Variants in RASGRF1 observed in about 807,000 individuals in gnomAD.
RASGRF1 encodes the protein Ras protein specific guanine nucleotide releasing factor 1, also known as ras-specific guanine nucleotide-releasing factor 1.
RASGRF1 carries 40 observed loss-of-function variants against 138.7 expected under a neutral mutation model. The ratio of observed to expected loss-of-function variants is 0.29; its 90% CI spans 0.22 to 0.38. RASGRF1 has a LOEUF of 0.38. Ranked by LOEUF, RASGRF1 falls within the 10% of genes least tolerant of loss-of-function variation. The pLI is 1.00. For missense variants in RASGRF1, 1,108 were observed against 1,650.4 expected (o/e 0.67, Z 5.69); for synonymous variants, 614 against 663.2 (o/e 0.93, Z 1.14).
chr15:79,002,538 A>G (rs1228632418), intron 15 of RASGRF1, among the ~76,000 whole-genome samples: 1 of 152,162 alleles, frequency 6.6e-6, no homozygotes, highest in Admixed American at 6.6e-5. Flanking sequence ...ATTTATACAT[A>G]ACAAATACAC....
At chr15:79,033,930 G>C (rs1212564107) in intron 6 of RASGRF1, among the ~76,000 whole-genome samples, 2 of 152,184 alleles carry the variant, frequency 1.3e-5, no homozygotes, top group African/African-American at 2.4e-5. Context: ...AAGGAAACAT[G>C]GTTTCCTTGT....
At position 78,991,744 on chromosome 15, in the gene RASGRF1, G is replaced by A. The variant is rs760253908; in HGVS notation, c.3078C>T (p.Ile1026=). The change falls in exon 21 of 27, where the codon ATC becomes ATT. Residue 1026 remains isoleucine (I), a synonymous_variant. Coordinates refer to ENST00000558480, the MANE Select transcript of RASGRF1 (RefSeq NM_001145648.3). The part of the protein sequence containing the change: ...EPFENHSALE[I]AEQLTLLDHL... ...GATCTAGCAGGGTCAGCTGCTCCGC[G>A]ATCTCCAGGGCTGAGTGGTTTTCAA... is the stretch of plus-strand genomic sequence containing the variant. 1.4e-5 allele frequency: 23 copies of A among 1,614,038 alleles called. No homozygotes were observed. The highest frequency in any genetic ancestry group is 1.7e-5 in the Admixed American group (1 of 60,002).
Position 78,985,144 on chromosome 15 carries a change from C to T in RASGRF1, c.3277G>A (p.Ala1093Thr), listed in dbSNP as rs116883402. The T allele has an allele frequency of 1.5e-3, 2,471 of 1,613,428 alleles. 6 individuals carry two copies. Among genetic ancestry groups the T allele is most frequent in the Non-Finnish European group, 1.9e-3 (2,182 of 1,179,342 alleles). ...GCTACGGCCACCCACTTCTCGATGG[C>T]GCTCACCCTGGCGTTGATGTCCTCA... ...RNEDINARVS[A>T]IEKWVAVADI... Residue 1093 changes from alanine (A) to threonine (T), a missense_variant, in exon 23 of 27, where the codon GCC (alanine) becomes ACC (threonine). Transcript: ENST00000558480.
intron 19 of RASGRF1, among the ~76,000 whole-genome samples, chr15:78,996,645 A>C (rs1318372842): frequency 1.3e-5 from 2 of 152,048 alleles, no homozygotes; most frequent in Non-Finnish European, 2.9e-5. Flanking sequence ...CTCCCCTCCG[A>C]GGGTGGCTTT....
intron 26 of RASGRF1, among the ~76,000 whole-genome samples, chr15:78,968,763 C>T (rs911476198): frequency 3.9e-5 from 6 of 152,172 alleles, no homozygotes; most frequent in Non-Finnish European, 8.8e-5. Context: ...GAAAGTGGCC[C>T]TGCTGGCATC....
chr15:79,010,125 A>C (rs1196476567), intron 13 of RASGRF1, among the ~76,000 whole-genome samples: 2 of 133,474 alleles, frequency 1.5e-5, no homozygotes, highest in Non-Finnish European at 3.2e-5. Context: ...GGCAACCTCC[A>C]CCTCGGGCTC....
At chr15:79,043,670 T>C (rs970351779) in intron 5 of RASGRF1, among the ~76,000 whole-genome samples, 2 of 152,178 alleles carry the variant, frequency 1.3e-5, no homozygotes, top group Non-Finnish European at 2.9e-5. Flanking sequence ...GGCAGCATCC[T>C]TGGGATGAAG....
In RASGRF1 at chr15:78,975,334, T is replaced by C. The variant is rs549470870; in HGVS notation, c.3495-1914A>G. Among the ~76,000 whole-genome samples, 37 of 152,054 alleles carry C rather than the reference T, an allele frequency of 2.4e-4. No individual in the cohort carries two copies. In the South Asian group the frequency reaches 7.7e-3, roughly 32 times the overall value. The stretch of plus-strand genomic sequence containing the variant: ...GTGGAATTTTTGTTCCTGTGATGCA[T>C]ATATGCATTTGTATACAGGCTTGTA... On this transcript the variant is annotated intron_variant, in intron 24 of 26. Coordinates refer to ENST00000558480, the MANE Select transcript of RASGRF1 (RefSeq NM_001145648.3).
At position 79,032,212 on chromosome 15, in the gene RASGRF1, C is replaced by A; in HGVS notation, c.1063G>T (p.Asp355Tyr). The change falls in exon 7 of 27, where the codon GAC becomes TAC. Residue 355 changes from aspartate (D) to tyrosine (Y), a missense_variant. Asp to Tyr is a radical substitution (Grantham distance 160, BLOSUM62 -3). Transcript: ENST00000558480. The surrounding 1 kb of genome is among the most constrained non-coding windows in gnomAD (Gnocchi z 4.5). ...TAGTGCTTCAGCAGCTTGTCGAAGT[C>A]ACGGTTCTGCTTGCAGTGGGCCAGG... ...QILAHCKQNR[D>Y]FDKLLKHYEA... 1 of 1,614,122 alleles carries A rather than the reference C, an allele frequency of 6.2e-7. No homozygotes were observed. The highest frequency in any genetic ancestry group is 1.1e-5 in the South Asian group (1 of 91,078).
chr15:79,057,761 T>C (rs1192275442), intron 3 of RASGRF1, among the ~76,000 whole-genome samples: 2 of 152,224 alleles, frequency 1.3e-5, no homozygotes, highest in Non-Finnish European at 2.9e-5. Context: ...TGCTGCTTCA[T>C]GGACCACACT....
intron 24 of RASGRF1, chr15:78,979,021 GGCGGCGGCA>G: frequency 7.7e-7 from 1 of 1,293,734 alleles, no homozygotes; most frequent in Non-Finnish European, 1.0e-6. Context: ...CAGCGGTGGT[GGCGGCGGCA>G]GACGAGGAAG....
At chr15:79,007,384 C>CT (rs1276943886) in intron 13 of RASGRF1, among the ~76,000 whole-genome samples, 1 of 152,172 alleles carries the variant, frequency 6.6e-6, no homozygotes, top group East Asian at 1.9e-4. Flanking sequence ...TTGGGCAACT[C>CT]TGGGTTTTCA....
chr15:79,004,745 C>T (rs1299641649), intron 14 of RASGRF1: 2 of 985,614 alleles, frequency 2.0e-6, no homozygotes, highest in Non-Finnish European at 2.4e-6. Context: ...CCACCTCAGG[C>T]CAGGCTGGAA....
At chr15:78,995,620 G>T in intron 20 of RASGRF1, 120 bp downstream of exon 20, 1 of 1,223,776 alleles carries the variant, frequency 8.2e-7, no homozygotes, top group Non-Finnish European at 1.2e-6. Context: ...CCCAGTTTGT[G>T]GTATTTTTTC....
intron 13 of RASGRF1, among the ~76,000 whole-genome samples, chr15:79,013,800 C>T (rs1211310769): frequency 6.6e-6 from 1 of 152,108 alleles, no homozygotes; most frequent in Admixed American, 6.6e-5. Context: ...GCTGTATTAC[C>T]CAGGGCTTGG....
chr15:78,972,126 C>T (rs150128554), intron 25 of RASGRF1, among the ~76,000 whole-genome samples, 192 bp from the exon 26 acceptor site: 1,770 of 152,196 alleles, frequency 0.012, 35 homozygotes, highest in African/African-American at 0.041. Context: ...GATGGAGTCT[C>T]ACTCTGTCGC....
At chr15:78,994,174 C>T (rs941991389) in intron 20 of RASGRF1, among the ~76,000 whole-genome samples, 2 of 152,222 alleles carry the variant, frequency 1.3e-5, no homozygotes, top group Admixed American at 6.5e-5. Flanking sequence ...GGAGTACTTC[C>T]GTCTTGGGGT....
chr15:79,013,162 G>A (rs1248674685), intron 13 of RASGRF1, among the ~76,000 whole-genome samples: 1 of 152,240 alleles, frequency 6.6e-6, no homozygotes, highest in African/African-American at 2.4e-5. Flanking sequence ...AGCTCGGAAA[G>A]GTTAAGCGAC....
At chr15:79,079,133 A>C (rs1018200481) in intron 1 of RASGRF1, among the ~76,000 whole-genome samples, 1 of 152,196 alleles carries the variant, frequency 6.6e-6, no homozygotes, top group African/African-American at 2.4e-5. Flanking sequence ...CTCTGTTTTA[A>C]TGTAAACTAC....
Sources: allele counts gnomAD v4.1 joint callset (sites outside exome capture counted in the v4.1 genomes callset), GRCh38; gene constraint gnomAD v4.1.1; non-coding constraint Gnocchi (gnomAD v3.1); transcripts MANE v1.5; gene names NCBI Gene and HGNC (gene_info 2026-07-23, HGNC 2026-07-21).